The following INTU variants were observed in gnomAD, a reference collection of about 807,000 sequenced individuals.
INTU encodes the protein inturned planar cell polarity protein, also known as protein inturned.
A neutral mutation model predicts 100.5 loss-of-function variants in INTU; 68 were observed. The ratio of observed to expected loss-of-function variants is 0.68; its 90% CI spans 0.56 to 0.83. The LOEUF is 0.83. INTU is among the 40% of genes least tolerant of loss of function. INTU has a pLI of 0.00. For missense variants in INTU, 1,071 were observed against 1,114.7 expected (o/e 0.96, Z 0.56); for synonymous variants, 357 against 395.7 (o/e 0.90, Z 1.16).
intron 3 of INTU, among the ~76,000 whole-genome samples, chr4:127,662,303 C>A (rs186721460): frequency 2.5e-4 from 38 of 151,998 alleles, no homozygotes; most frequent in African/African-American, 8.9e-4. Context: ...TATTTATTTT[C>A]GTTTTTGTTG....
intron 2 of INTU, among the ~76,000 whole-genome samples, chr4:127,647,517 G>C (rs1368782984): frequency 6.6e-6 from 1 of 152,036 alleles, no homozygotes; most frequent in South Asian, 2.1e-4. Context: ...ACGATCATTC[G>C]GATAATCCAG....
intron 3 of INTU, among the ~76,000 whole-genome samples, chr4:127,659,626 A>G (rs969661071): frequency 2.0e-5 from 3 of 152,336 alleles, no homozygotes; most frequent in East Asian, 1.9e-4. Context: ...TAACAGGTAC[A>G]TAATCATGCT....
chr4:127,716,329 CTT>C lies in INTU; in HGVS notation c.2726_2727del (p.Phe909SerfsTer14). 1.3e-6 allele frequency: 2 copies of C among 1,531,672 alleles called. No individual in the cohort carries two copies. The highest frequency in any genetic ancestry group is 1.8e-6 in the Non-Finnish European group (2 of 1,129,342). 94.9% of individuals were successfully genotyped at this position (1,531,672 alleles called of 1,614,324 possible). ...PVMAYWVVGRLFLHPKPQELY... is the reference protein window; with the variant it reads ...PVMAYWVVGRXFLHPKPQELY... ...GTGTGTTCTTTTCTTCTGCAGGAGACTTTTTCTTCATCCAAAACCTCAAGAAC... is the reference window on the plus strand; with the variant it reads ...GTGTGTTCTTTTCTTCTGCAGGAGACTTTCTTCATCCAAAACCTCAAGAAC... On this transcript the variant is annotated frameshift_variant, in exon 16 of 16. Coordinates refer to ENST00000335251, the MANE Select transcript of INTU (RefSeq NM_015693.4). LOFTEE classifies it high-confidence loss of function.
intron 2 of INTU, among the ~76,000 whole-genome samples, chr4:127,646,034 C>T (rs1409359986): frequency 1.3e-5 from 2 of 151,794 alleles, no homozygotes; most frequent in Non-Finnish European, 2.9e-5. Context: ...AAATACAAAA[C>T]TTAGCTGGGC....
chr4:127,644,019 A>G lies in INTU; in HGVS notation c.645A>G (p.Pro215=), dbSNP rs1369511769. The G allele has an allele frequency of 6.2e-7, 1 of 1,614,000 alleles. No homozygotes were observed. Among genetic ancestry groups the G allele is most frequent in the Non-Finnish European group, 8.5e-7 (1 of 1,179,972 alleles). Reference sequence around the variant, plus strand: ...GGCTTGTGGTTCATGGCCTGCTGCCAGGGGGATCTGCTATGAAGAGCGGTC... The same window carrying G: ...GGCTTGTGGTTCATGGCCTGCTGCCGGGGGGATCTGCTATGAAGAGCGGTC... ...GERLVVHGLL[P]GGSAMKSGQV... Residue 215 remains proline (P), a synonymous_variant, in exon 2 of 16, where the codon CCA becomes CCG. Transcript: ENST00000335251.
At chr4:127,665,098 T>G (rs1390634659) in intron 4 of INTU, among the ~76,000 whole-genome samples, 1 of 151,582 alleles carries the variant, frequency 6.6e-6, no homozygotes, top group East Asian at 1.9e-4. Context: ...TCAGTTACCC[T>G]TCCTTTACTC....
chr4:127,714,917 C>T (rs929963328), intron 15 of INTU, among the ~76,000 whole-genome samples: 1 of 151,866 alleles, frequency 6.6e-6, no homozygotes, highest in African/African-American at 2.4e-5. Context: ...GGGCAGTGGG[C>T]GGTATGGCAA....
At chr4:127,700,181 C>G in intron 9 of INTU, 118 bp downstream of exon 9, 1 of 770,782 alleles carries the variant, frequency 1.3e-6, no homozygotes, top group Non-Finnish European at 2.0e-6. Flanking sequence ...CATTAGGCCT[C>G]TGTTTTGACA....
chr4:127,683,082 A>C (rs1729657697), intron 6 of INTU, among the ~76,000 whole-genome samples: 1 of 152,190 alleles, frequency 6.6e-6, no homozygotes, highest in Non-Finnish European at 1.5e-5. Context: ...AAGGACTGTC[A>C]CTGCTGAGCT....
At chr4:127,690,051 G>C (rs111813674) in intron 8 of INTU, among the ~76,000 whole-genome samples, 4 of 152,210 alleles carry the variant, frequency 2.6e-5, no homozygotes, top group South Asian at 2.1e-4. Context: ...CCTTCTTTCT[G>C]TGATAGTAGA....
chr4:127,650,612 G>T (rs1345632196), intron 2 of INTU, among the ~76,000 whole-genome samples: 1 of 151,750 alleles, frequency 6.6e-6, no homozygotes, highest in Non-Finnish European at 1.5e-5. Flanking sequence ...TCTTAATCCA[G>T]TCTATCATTG....
chr4:127,678,419 A>C (rs187222372), intron 6 of INTU, among the ~76,000 whole-genome samples: 3,691 of 152,334 alleles, frequency 0.024, 140 homozygotes, highest in African/African-American at 0.084. Context: ...GAAACCCTAC[A>C]AGCCAGAAGA....
In INTU at chr4:127,704,294, A is replaced by T. The variant is rs372667395; in HGVS notation, c.1566+4A>T. ...GGGGTCTTCTCTATTTTACAAGGTA[A>T]GTTGAAGCTTGAAGTCTAAATGTCC... is the stretch of plus-strand genomic sequence containing the variant. On this transcript the variant is annotated splice_donor_region_variant and intron_variant, in intron 10 of 15. Transcript: ENST00000335251. The T allele has an allele frequency of 1.7e-5, 28 of 1,605,956 alleles. No individual in the cohort carries two copies. The highest frequency in any genetic ancestry group is 2.2e-5 in the Non-Finnish European group (26 of 1,174,554).
intron 8 of INTU, among the ~76,000 whole-genome samples, chr4:127,698,239 G>T (rs542174051): frequency 6.6e-6 from 1 of 152,096 alleles, no homozygotes; most frequent in Non-Finnish European, 1.5e-5. Context: ...GAGGTGGGAG[G>T]ATCACAAGGT....
intron 10 of INTU, among the ~76,000 whole-genome samples, chr4:127,704,854 G>A (rs534635497): frequency 7.2e-5 from 11 of 152,096 alleles, no homozygotes; most frequent in East Asian, 3.9e-4. Context: ...TTGGGGGGCC[G>A]AGGCAGGCAG....
At chr4:127,682,567 G>A (rs1337940905) in intron 6 of INTU, among the ~76,000 whole-genome samples, 2 of 140,408 alleles carry the variant, frequency 1.4e-5, no homozygotes, top group African/African-American at 5.3e-5. Context: ...GACACAGGAA[G>A]GGGAACATCA....
intron 8 of INTU, among the ~76,000 whole-genome samples, chr4:127,697,858 T>G (rs1730463123): frequency 6.6e-6 from 1 of 152,186 alleles, no homozygotes; most frequent in Non-Finnish European, 1.5e-5. Context: ...TGGTGGCTTA[T>G]GCCTGTAATC....
At chr4:127,663,713 A>G (rs1728578150) in intron 4 of INTU, 129 bp downstream of exon 4, 1 of 657,438 alleles carries the variant, frequency 1.5e-6, no homozygotes, top group South Asian at 2.1e-5. Context: ...AAAATGAATT[A>G]ACTGTTTTTC....
intron 2 of INTU, among the ~76,000 whole-genome samples, chr4:127,646,038 G>T (rs1371235510): frequency 6.6e-6 from 1 of 151,970 alleles, no homozygotes; most frequent in East Asian, 2.0e-4. Flanking sequence ...ACAAAACTTA[G>T]CTGGGCCTTG....
Sources: gnomAD v4.1 joint callset for allele counts (sites outside exome capture counted in the v4.1 genomes callset) on GRCh38, gnomAD v4.1.1 for gene constraint, MANE v1.5 for transcripts, NCBI Gene and HGNC (gene_info 2026-07-23, HGNC 2026-07-21) for gene names.